RASGRF2: variants seen among roughly 807,000 people sequenced by gnomAD.
RASGRF2 encodes the protein Ras protein specific guanine nucleotide releasing factor 2.
A neutral mutation model predicts 151.0 loss-of-function variants in RASGRF2; 76 were observed. The ratio of observed to expected loss-of-function variants is 0.50; its 90% CI spans 0.42 to 0.61. The LOEUF (loss-of-function observed/expected upper bound fraction) is 0.61. RASGRF2 is among the 20% of genes least tolerant of loss of function. The pLI is 0.00. For missense variants in RASGRF2, 1,148 were observed against 1,564.6 expected, an observed-to-expected ratio of 0.73 and a Z score of 4.49; for synonymous variants, 504 against 566.5, an observed-to-expected ratio of 0.89 and a Z score of 1.57.
At chr5:81,187,253 A>G (rs1337682473) in intron 18 of RASGRF2, among the ~76,000 whole-genome samples, 1 of 152,246 alleles carries the variant, frequency 6.6e-6, no homozygotes, top group African/African-American at 2.4e-5. Flanking sequence ...ACATGCAGCT[A>G]ATTGATCACT....
At position 81,005,389 on chromosome 5, in the gene RASGRF2, C is replaced by T. The variant is rs143640036; in HGVS notation, c.289-37488C>T. On this transcript the variant is annotated intron_variant, in intron 1 of 26. Transcript: ENST00000265080. The stretch of plus-strand genomic sequence containing the variant: ...GTCGGATCTCGTGAGAACGCACTCA[C>T]TATCACGAGGACAGCTTGAGGGTAA... Among the ~76,000 whole-genome samples, 1,240 of 152,266 alleles carry T rather than the reference C, an allele frequency of 8.1e-3. 11 individuals are homozygous for T. The highest frequency in any genetic ancestry group is 0.013 in the South Asian group (63 of 4,814).
chr5:81,099,753 T>C (rs911421589), intron 12 of RASGRF2, among the ~76,000 whole-genome samples: 1 of 152,156 alleles, frequency 6.6e-6, no homozygotes, highest in Non-Finnish European at 1.5e-5. Flanking sequence ...AGATTAACAT[T>C]TTCTACTATT....
intron 1 of RASGRF2, among the ~76,000 whole-genome samples, chr5:80,985,512 G>C (rs933290331): frequency 6.6e-6 from 1 of 152,216 alleles, no homozygotes; most frequent in South Asian, 2.1e-4. Context: ...AAGGATGTTA[G>C]ATAAAGAGCA....
At chr5:80,983,351 G>A (rs552303915) in intron 1 of RASGRF2, among the ~76,000 whole-genome samples, 1 of 152,342 alleles carries the variant, frequency 6.6e-6, no homozygotes, top group Admixed American at 6.5e-5. Flanking sequence ...GCAGCCACCT[G>A]CTCTCATTGC....
chr5:81,114,103 A>G (rs1453295744), intron 15 of RASGRF2, among the ~76,000 whole-genome samples, 183 bp downstream of exon 15: 1 of 152,208 alleles, frequency 6.6e-6, no homozygotes, highest in Non-Finnish European at 1.5e-5. Flanking sequence ...CCCTTCTGGA[A>G]CAGAAAGCAA....
chr5:81,143,016 T>G (rs1580355031), intron 17 of RASGRF2, among the ~76,000 whole-genome samples: 1 of 152,324 alleles, frequency 6.6e-6, no homozygotes, highest in East Asian at 1.9e-4. Flanking sequence ...TTTTCTGTGG[T>G]GAAAAATATA....
At chr5:81,189,386 G>A (rs945355174) in intron 18 of RASGRF2, among the ~76,000 whole-genome samples, 8 of 152,196 alleles carry the variant, frequency 5.3e-5, no homozygotes, top group Non-Finnish European at 8.8e-5. Context: ...GTCTCAATGT[G>A]AAATGCTAGC....
intron 17 of RASGRF2, among the ~76,000 whole-genome samples, chr5:81,139,188 T>C (rs248984): frequency 0.58 from 87,791 of 152,022 alleles, 27,624 homozygotes; most frequent in East Asian, 0.81. Context: ...CTTTTATTTT[T>C]AGATAGTTTG....
At chr5:81,079,262 A>G (rs944613608) in intron 5 of RASGRF2, among the ~76,000 whole-genome samples, 1 of 152,244 alleles carries the variant, frequency 6.6e-6, no homozygotes, top group Non-Finnish European at 1.5e-5. Context: ...AAATCCTTGA[A>G]CAACAAACAC....
At chr5:81,017,354 G>A (rs1264141741) in intron 1 of RASGRF2, among the ~76,000 whole-genome samples, 1 of 152,240 alleles carries the variant, frequency 6.6e-6, no homozygotes, top group African/African-American at 2.4e-5. Flanking sequence ...AGTTCACACT[G>A]TTTCCCTGAG....
At chr5:81,136,824 C>T (rs1753765514) in intron 17 of RASGRF2, among the ~76,000 whole-genome samples, 3 of 151,776 alleles carry the variant, frequency 2.0e-5, no homozygotes, top group Non-Finnish European at 4.4e-5. Context: ...TCTCTTTGTG[C>T]TTGAGTTTGG....
intron 13 of RASGRF2, among the ~76,000 whole-genome samples, chr5:81,110,333 A>G (rs1178027763): frequency 1.3e-5 from 2 of 152,196 alleles, no homozygotes; most frequent in African/African-American, 2.4e-5. Flanking sequence ...TCAGTAATGT[A>G]TTATATTTTT....
chr5:81,194,606 G>A (rs963854646), intron 18 of RASGRF2, among the ~76,000 whole-genome samples: 4 of 152,122 alleles, frequency 2.6e-5, no homozygotes, highest in Non-Finnish European at 5.9e-5. Flanking sequence ...GCTCCTAAGC[G>A]TGTGCTGGGT....
At chr5:81,212,266 C>A in intron 22 of RASGRF2, 100 bp from the exon 23 acceptor site, 2 of 778,832 alleles carry the variant, frequency 2.6e-6, no homozygotes, top group South Asian at 1.9e-5. Flanking sequence ...CTACTCAACA[C>A]CCTGCCTTCC....
chr5:81,146,065 G>A lies in RASGRF2; in HGVS notation c.2686+18902G>A, dbSNP rs75162457. ...CTCAACCAAATGTTTTGAAATTGAG[G>A]GAGTATATTTGAAATTAACATGTAG... On this transcript the variant is annotated intron_variant, in intron 17 of 26. Coordinates refer to ENST00000265080, the MANE Select transcript of RASGRF2 (RefSeq NM_006909.3). Among the ~76,000 whole-genome samples the A allele has an allele frequency of 3.4e-3, 511 of 152,268 alleles. 4 individuals are homozygous for A. The highest frequency in any genetic ancestry group is 0.011 in the African/African-American group (468 of 41,540).
intron 17 of RASGRF2, among the ~76,000 whole-genome samples, chr5:81,154,914 T>A (rs1266361273): frequency 6.6e-6 from 1 of 152,150 alleles, no homozygotes; most frequent in Non-Finnish European, 1.5e-5. Flanking sequence ...GTGCACAGAG[T>A]TCCCCTTTCT....
chr5:81,041,000 C>T (rs563913613), intron 1 of RASGRF2, among the ~76,000 whole-genome samples: 8 of 152,152 alleles, frequency 5.3e-5, no homozygotes, highest in Admixed American at 1.3e-4. Flanking sequence ...TGTTCAATTA[C>T]GACTTAAAAA....
intron 26 of RASGRF2, among the ~76,000 whole-genome samples, chr5:81,221,149 T>A (rs1309757221): frequency 2.0e-5 from 3 of 152,224 alleles, no homozygotes; most frequent in Non-Finnish European, 4.4e-5. Context: ...ATCGCCTGGC[T>A]AAGGTAGTGT....
At chr5:81,185,292 G>A (rs1210397952) in intron 18 of RASGRF2, among the ~76,000 whole-genome samples, 1 of 152,216 alleles carries the variant, frequency 6.6e-6, no homozygotes, top group Non-Finnish European at 1.5e-5. Context: ...GTGTTAAGGT[G>A]AAAGGTGCTG....
Sources: allele counts gnomAD v4.1 joint callset (sites outside exome capture counted in the v4.1 genomes callset), GRCh38; gene constraint gnomAD v4.1.1; transcripts MANE v1.5; gene names NCBI Gene and HGNC (gene_info 2026-07-23, HGNC 2026-07-21).